Variants in PABPC4L observed in about 807,000 individuals in gnomAD.
PABPC4L encodes the protein poly(A) binding protein cytoplasmic 4 like.
For missense variants in PABPC4L, 452 were observed against 451.4 expected (o/e 1.00, Z -0.01); for synonymous variants, 169 against 164.1 (o/e 1.03, Z -0.23).
At chr4:133,988,154 TGGA>T in the PABPC4L span, among the ~76,000 whole-genome samples, 1 of 152,148 alleles carries the variant, frequency 6.6e-6, no homozygotes. Context: ...GATATTCGGG[TGGA>T]GACACAGCCA....
the PABPC4L span, among the ~76,000 whole-genome samples, chr4:134,162,888 G>A: frequency 2.6e-5 from 4 of 152,058 alleles, no homozygotes; most frequent in Non-Finnish European, 5.9e-5. Flanking sequence ...CGTTTATAGT[G>A]CTAAATGCCT....
the PABPC4L span, among the ~76,000 whole-genome samples, chr4:134,083,324 C>A: frequency 6.6e-6 from 1 of 151,810 alleles, no homozygotes; most frequent in Non-Finnish European, 1.5e-5. Flanking sequence ...TGACTGCCAG[C>A]TTTACTGATC....
the PABPC4L span, among the ~76,000 whole-genome samples, chr4:133,968,113 A>T: frequency 6.6e-6 from 1 of 152,222 alleles, no homozygotes; most frequent in Non-Finnish European, 1.5e-5. Flanking sequence ...CAGGAATATT[A>T]TAGGCTTTCC....
the PABPC4L span, among the ~76,000 whole-genome samples, chr4:134,042,870 C>A: frequency 2.0e-5 from 3 of 152,010 alleles, no homozygotes; most frequent in Admixed American, 1.3e-4. Flanking sequence ...ATAGTCACAT[C>A]TTTTTTTAAG....
At chr4:133,989,662 C>T in the PABPC4L span, among the ~76,000 whole-genome samples, 1 of 152,066 alleles carries the variant, frequency 6.6e-6, no homozygotes, top group South Asian at 2.1e-4. Flanking sequence ...TCTTCTGAGC[C>T]CTCCAAACTG....
chr4:134,035,395 T>G, the PABPC4L span, among the ~76,000 whole-genome samples: 1 of 151,608 alleles, frequency 6.6e-6, no homozygotes, highest in Non-Finnish European at 1.5e-5. Context: ...ATCCTCAACA[T>G]TTAGAACATT....
the PABPC4L span, among the ~76,000 whole-genome samples, chr4:134,140,937 T>A: frequency 6.6e-6 from 1 of 151,766 alleles, no homozygotes; most frequent in Non-Finnish European, 1.5e-5. Context: ...TAGGGCTCAT[T>A]CTGCTTCAGT....
chr4:134,186,614 T>C, the PABPC4L span, among the ~76,000 whole-genome samples: 1 of 152,110 alleles, frequency 6.6e-6, no homozygotes, highest in Non-Finnish European at 1.5e-5. Context: ...TGAAATACCA[T>C]TCAGGACATA....
At chr4:134,183,955 G>A in the PABPC4L span, among the ~76,000 whole-genome samples, 1 of 151,430 alleles carries the variant, frequency 6.6e-6, no homozygotes, top group Non-Finnish European at 1.5e-5. Context: ...TTAACAAGTT[G>A]ATTGAGTGCG....
At chr4:134,077,413 C>A in the PABPC4L span, among the ~76,000 whole-genome samples, 1 of 152,042 alleles carries the variant, frequency 6.6e-6, no homozygotes, top group African/African-American at 2.4e-5. Context: ...ACCACTGATT[C>A]ATTCAGTGCA....
At chr4:134,029,997 C>T in the PABPC4L span, among the ~76,000 whole-genome samples, 35 of 152,090 alleles carry the variant, frequency 2.3e-4, 1 homozygote, top group Non-Finnish European at 4.3e-4. Flanking sequence ...AACTCTTTCC[C>T]TTGCTGCCAC....
At chr4:134,038,093 T>C in the PABPC4L span, among the ~76,000 whole-genome samples, 1 of 152,174 alleles carries the variant, frequency 6.6e-6, no homozygotes, top group African/African-American at 2.4e-5. Flanking sequence ...GTGATTTTTG[T>C]CATGGGTCCT....
At chr4:134,149,399 A>C in the PABPC4L span, among the ~76,000 whole-genome samples, 1 of 152,174 alleles carries the variant, frequency 6.6e-6, no homozygotes, top group Non-Finnish European at 1.5e-5. Flanking sequence ...GATCAACGGC[A>C]TGTGTCTAGC....
the PABPC4L span, among the ~76,000 whole-genome samples, chr4:133,998,419 C>A: frequency 6.6e-6 from 1 of 151,854 alleles, no homozygotes; most frequent in Non-Finnish European, 1.5e-5. Flanking sequence ...GTATCATTTT[C>A]TTTTATATCT....
the PABPC4L span, among the ~76,000 whole-genome samples, chr4:134,150,708 C>T: frequency 6.6e-6 from 1 of 152,074 alleles, no homozygotes; most frequent in Non-Finnish European, 1.5e-5. Context: ...GATATGAAAC[C>T]TCCCCCACCC....
chr4:134,001,039 T>C, the PABPC4L span, among the ~76,000 whole-genome samples: 1 of 152,002 alleles, frequency 6.6e-6, no homozygotes, highest in Non-Finnish European at 1.5e-5. Context: ...CCCTGACTGA[T>C]AAAACATCTG....
the PABPC4L span, among the ~76,000 whole-genome samples, chr4:134,041,401 A>G: frequency 6.6e-6 from 1 of 152,130 alleles, no homozygotes; most frequent in African/African-American, 2.4e-5. Flanking sequence ...GCCATAAAAG[A>G]AAAGGATGAG....
chr4:133,961,299 C>G, the PABPC4L span, among the ~76,000 whole-genome samples: 3 of 151,964 alleles, frequency 2.0e-5, no homozygotes, highest in Non-Finnish European at 4.4e-5. Context: ...GTGGCTAGAC[C>G]CAGAAGAGAG....
At chr4:134,027,552 A>G in the PABPC4L span, among the ~76,000 whole-genome samples, 2 of 152,316 alleles carry the variant, frequency 1.3e-5, no homozygotes, top group Non-Finnish European at 2.9e-5. Flanking sequence ...GACAGCAGAA[A>G]TCTCTTCGAC....
Sources: allele counts gnomAD v4.1 joint callset (sites outside exome capture counted in the v4.1 genomes callset), GRCh38; gene constraint gnomAD v4.1.1; transcripts MANE v1.5; gene names NCBI Gene and HGNC (gene_info 2026-07-23, HGNC 2026-07-21).